NFIA: variants seen among roughly 807,000 people sequenced by gnomAD.
NFIA encodes the protein nuclear factor I A.
Under a neutral mutation model 62.8 loss-of-function variants are expected in NFIA, and 8 were observed. That is an observed-to-expected ratio of 0.13 (90% CI 0.07 to 0.23). The LOEUF is 0.23. NFIA is among the 10% of genes least tolerant of loss of function. The pLI, the probability that NFIA is intolerant of heterozygous loss-of-function variation, is 1.00. For synonymous variants in NFIA, 235 were observed against 238.1 expected (o/e 0.99, Z 0.12); for missense variants, 410 against 642.1 (o/e 0.64, Z 3.91).
chr1:61,077,712 G>A, upstream of NFIA: 1 of 1,121,386 alleles, frequency 8.9e-7, no homozygotes, highest in East Asian at 2.8e-5. Context: ...TTGTTTAATG[G>A]CTAAGACTAA....
intron 3 of NFIA, among the ~76,000 whole-genome samples, chr1:61,331,373 T>C (rs961948185): frequency 5.3e-5 from 8 of 152,198 alleles, no homozygotes; most frequent in South Asian, 2.1e-4. Context: ...TTTATGTGTA[T>C]GACATTTAGT....
intron 3 of NFIA, among the ~76,000 whole-genome samples, chr1:61,325,842 A>T (rs1660904035): frequency 1.3e-5 from 2 of 151,342 alleles, no homozygotes; most frequent in East Asian, 3.9e-4. Context: ...GGCATGAAAG[A>T]TAATGGCATG....
intron 3 of NFIA, among the ~76,000 whole-genome samples, chr1:61,326,942 T>A (rs1000116905): frequency 1.3e-5 from 2 of 151,928 alleles, no homozygotes; most frequent in Non-Finnish European, 1.5e-5. Flanking sequence ...CAAGAGGCTA[T>A]ATCTAGGTCC....
intron 2 of NFIA, among the ~76,000 whole-genome samples, chr1:61,267,961 A>G (rs962289679): frequency 6.6e-6 from 1 of 152,212 alleles, no homozygotes; most frequent in African/African-American, 2.4e-5. Context: ...AAAGACAACT[A>G]AATCAAAAAA....
At chr1:61,082,090 GA>G, upstream of NFIA, 2 of 1,518,118 alleles carry the variant, frequency 1.3e-6, no homozygotes, top group Non-Finnish European at 1.8e-6. Context: ...TGGGGACGAG[GA>G]AAAGTAGTTT....
rs60422302 is a variant in NFIA at position 61,200,010 on chromosome 1, GTATA to G, written c.560-77456_560-77453del. Among the ~76,000 whole-genome samples the G allele has an allele frequency of 9.0e-3, 477 of 52,718 alleles. 15 individuals are homozygous for G. The highest frequency in any genetic ancestry group is 0.013 in the Non-Finnish European group (330 of 25,418). 34.6% of individuals were successfully genotyped at this position (52,718 alleles called of 152,430 possible). A position where few individuals can be genotyped will look rare whatever the true frequency, so the allele number is the denominator to read the frequency against. ...ACTCCAACTCACAAAATATATATATGTATATATATATATATATATATATATATAT... is the reference window on the plus strand; with the variant it reads ...ACTCCAACTCACAAAATATATATATGTATATATATATATATATATATATAT... On this transcript the variant is annotated intron_variant, in intron 2 of 10. Coordinates refer to ENST00000403491, the MANE Select transcript of NFIA (RefSeq NM_001134673.4).
chr1:61,410,015 A>G (rs1282752517), intron 9 of NFIA, among the ~76,000 whole-genome samples: 1 of 152,164 alleles, frequency 6.6e-6, no homozygotes, highest in Non-Finnish European at 1.5e-5. Flanking sequence ...GCCTGCACCT[A>G]TCAGGCATCT....
At chr1:61,280,233 C>T (rs866696246) in intron 3 of NFIA, among the ~76,000 whole-genome samples, 5 of 152,206 alleles carry the variant, frequency 3.3e-5, no homozygotes, top group African/African-American at 1.2e-4. Flanking sequence ...AGGTTCTACT[C>T]TCTGGTGTTG....
rs376669208 is a variant in NFIA, at chr1:61,199,751, T to C, written c.560-77769T>C. ...GGCTCATGCCTGCAATCCCAGCACT[T>C]TGGGAGGCCGAGGTAGGTGGGTCAC... is the stretch of plus-strand genomic sequence containing the variant. On this transcript the variant is annotated intron_variant, in intron 2 of 10. Transcript: ENST00000403491. Among the ~76,000 whole-genome samples, 3 of 151,680 alleles carry C rather than the reference T, an allele frequency of 2.0e-5. No individual in the cohort carries two copies. In the East Asian group the frequency reaches 5.8e-4, roughly 29 times the overall value.
intron 2 of NFIA, among the ~76,000 whole-genome samples, chr1:61,192,205 G>A (rs762654395): frequency 7.9e-5 from 12 of 152,070 alleles, no homozygotes; most frequent in Non-Finnish European, 1.5e-4. Context: ...TAATCCGCCC[G>A]CCTTGGCCTC....
chr1:61,293,246 T>A (rs1389620848), intron 3 of NFIA, among the ~76,000 whole-genome samples: 2 of 152,174 alleles, frequency 1.3e-5, no homozygotes, highest in African/African-American at 4.8e-5. Flanking sequence ...CTTGGGAATC[T>A]CCTTTGTAAA....
chr1:61,394,091 A>G (rs1348196464), intron 7 of NFIA, among the ~76,000 whole-genome samples: 1 of 152,238 alleles, frequency 6.6e-6, no homozygotes, highest in Non-Finnish European at 1.5e-5. Context: ...TTGTTGAATG[A>G]GTGATCCTAC....
intron 2 of NFIA, among the ~76,000 whole-genome samples, chr1:61,258,366 A>T (rs1656553885): frequency 6.6e-6 from 1 of 152,160 alleles, no homozygotes; most frequent in Non-Finnish European, 1.5e-5. Flanking sequence ...CAGTTTCTAG[A>T]CCCATCTTTT....
At chr1:61,410,732 C>A (rs1328013711) in intron 9 of NFIA, among the ~76,000 whole-genome samples, 1 of 151,922 alleles carries the variant, frequency 6.6e-6, no homozygotes, top group African/African-American at 2.4e-5. Context: ...TGTGGTGAAA[C>A]CCCATCTCTA....
intron 2 of NFIA, among the ~76,000 whole-genome samples, chr1:61,176,928 C>T (rs1476505955): frequency 2.0e-5 from 3 of 151,850 alleles, no homozygotes; most frequent in African/African-American, 7.3e-5. Flanking sequence ...CACAGTGAAA[C>T]CCCGTCTCTA....
At chr1:61,234,012 T>A (rs1029526537) in intron 2 of NFIA, among the ~76,000 whole-genome samples, 2 of 152,166 alleles carry the variant, frequency 1.3e-5, no homozygotes, top group African/African-American at 2.4e-5. Flanking sequence ...TTGTTTTAAA[T>A]CATCTGGTCA....
intron 1 of NFIA, among the ~76,000 whole-genome samples, chr1:61,087,872 C>T (rs753893512): frequency 1.6e-4 from 24 of 152,110 alleles, no homozygotes; most frequent in African/African-American, 4.3e-4. Flanking sequence ...GAGCTAGGCC[C>T]GACAGTAGTA....
intron 3 of NFIA, among the ~76,000 whole-genome samples, chr1:61,328,491 G>A (rs907842334): frequency 1.3e-4 from 19 of 151,466 alleles, no homozygotes; most frequent in African/African-American, 3.9e-4. Flanking sequence ...GCACGATCTC[G>A]GCTCACCACA....
intron 2 of NFIA, among the ~76,000 whole-genome samples, chr1:61,230,201 A>G (rs542358229): frequency 5.8e-4 from 89 of 152,226 alleles, no homozygotes; most frequent in Non-Finnish European, 1.2e-3. Flanking sequence ...TTATATAATC[A>G]TCTCCAATAA....
Sources: allele counts gnomAD v4.1 joint callset (sites outside exome capture counted in the v4.1 genomes callset), GRCh38; gene constraint gnomAD v4.1.1; transcripts MANE v1.5; gene names NCBI Gene and HGNC (gene_info 2026-07-23, HGNC 2026-07-21).